The following DENND1A variants were observed in gnomAD, a reference collection of about 807,000 sequenced individuals.
The protein encoded by DENND1A is DENN domain containing 1A.
Under a neutral mutation model 113.7 loss-of-function variants are expected in DENND1A, and 51 were observed. The ratio of observed to expected loss-of-function variants is 0.45; its 90% confidence interval spans 0.36 to 0.57. DENND1A has a LOEUF of 0.57. Among genes scored for constraint, DENND1A ranks in the 20% least tolerant of loss-of-function variants. The pLI, the probability that DENND1A is intolerant of heterozygous loss-of-function variation, is 0.00. For synonymous variants in DENND1A, 565 were observed against 570.8 expected (o/e 0.99, Z 0.14); for missense variants, 1,258 against 1,395.9 (o/e 0.90, Z 1.57).
rs77543463 is a variant in DENND1A at position 123,782,037 on chromosome 9, A to T, written c.132+10550T>A. Among the ~76,000 whole-genome samples, 50 of 152,204 alleles carry T rather than the reference A, an allele frequency of 3.3e-4. No individual in the cohort carries two copies. In the East Asian group the frequency reaches 6.2e-3, roughly 19 times the overall value. Reference sequence around the variant, plus strand: ...GTGAGCCAAGATCACACCACTGTACATTAGCCTGGGTGACTGGGTAAGACT... The same window carrying T: ...GTGAGCCAAGATCACACCACTGTACTTTAGCCTGGGTGACTGGGTAAGACT... On this transcript the variant is annotated intron_variant, in intron 3 of 23. Transcript: ENST00000394215.
chr9:123,506,083 T>C (rs1273166335), intron 13 of DENND1A, among the ~76,000 whole-genome samples: 1 of 152,022 alleles, frequency 6.6e-6, no homozygotes, highest in African/African-American at 2.4e-5. Flanking sequence ...GCAAGGACTT[T>C]GGAGCTAGAC....
chr9:123,488,891 C>A (rs993814847), intron 13 of DENND1A, among the ~76,000 whole-genome samples: 21 of 152,272 alleles, frequency 1.4e-4, no homozygotes, highest in African/African-American at 4.8e-4. Flanking sequence ...GCCTGCCGAG[C>A]CACCCGGGAA....
chr9:123,833,842 C>T (rs1158016340), intron 2 of DENND1A, among the ~76,000 whole-genome samples: 2 of 152,146 alleles, frequency 1.3e-5, no homozygotes. Flanking sequence ...GGGCAGATCA[C>T]AAGGTCAAGA....
intron 5 of DENND1A, among the ~76,000 whole-genome samples, chr9:123,680,667 A>G (rs1423681164): frequency 1.3e-5 from 2 of 152,210 alleles, no homozygotes; most frequent in African/African-American, 4.8e-5. Context: ...TAATCACTCC[A>G]ACTGGTGAGT....
chr9:123,820,120 G>T (rs1330012214), intron 2 of DENND1A, among the ~76,000 whole-genome samples: 1 of 152,128 alleles, frequency 6.6e-6, no homozygotes, highest in African/African-American at 2.4e-5. Context: ...GGCAGAAAGA[G>T]GCACATAGAG....
At chr9:123,453,468 A>G (rs759583724) in intron 16 of DENND1A, among the ~76,000 whole-genome samples, 1 of 152,090 alleles carries the variant, frequency 6.6e-6, no homozygotes, top group South Asian at 2.1e-4. Flanking sequence ...GCCATGACAC[A>G]CTCCCATGAG....
intron 3 of DENND1A, among the ~76,000 whole-genome samples, chr9:123,778,714 G>C (rs1011571465): frequency 6.6e-6 from 1 of 151,944 alleles, no homozygotes; most frequent in Non-Finnish European, 1.5e-5. Context: ...ATCCAGCCCC[G>C]GGCAGGATGT....
At chr9:123,435,636 G>C (rs553686043) in intron 19 of DENND1A, among the ~76,000 whole-genome samples, 1 of 152,334 alleles carries the variant, frequency 6.6e-6, no homozygotes, top group East Asian at 1.9e-4. Context: ...ACAAAGAAGG[G>C]GGCCCTGGAA....
intron 5 of DENND1A, among the ~76,000 whole-genome samples, chr9:123,715,018 C>T (rs2066880611): frequency 6.6e-6 from 1 of 151,884 alleles, no homozygotes; most frequent in Admixed American, 6.6e-5. Flanking sequence ...CCCATCTCTA[C>T]TAAAAAATAA....
intron 5 of DENND1A, among the ~76,000 whole-genome samples, chr9:123,749,362 C>T (rs2069806875): frequency 6.6e-6 from 1 of 152,146 alleles, no homozygotes. Flanking sequence ...GGACAAATAA[C>T]CTTTTGAAAG....
chr9:123,914,999 G>A (rs1329956099), intron 1 of DENND1A, among the ~76,000 whole-genome samples: 1 of 152,044 alleles, frequency 6.6e-6, no homozygotes, highest in Non-Finnish European at 1.5e-5. Flanking sequence ...AGGTTCTGCT[G>A]GCCAAAAGCT....
At chr9:123,635,289 A>G (rs1343774900) in intron 9 of DENND1A, among the ~76,000 whole-genome samples, 1 of 152,244 alleles carries the variant, frequency 6.6e-6, no homozygotes, top group Non-Finnish European at 1.5e-5. Flanking sequence ...TAAAGGAAAG[A>G]GTGCGTGTGT....
chr9:123,623,816 T>C (rs943821815), intron 10 of DENND1A, among the ~76,000 whole-genome samples: 2 of 152,120 alleles, frequency 1.3e-5, no homozygotes, highest in South Asian at 2.1e-4. Context: ...GCTTCTGGGG[T>C]TTCTGGACTC....
At chr9:123,768,116 C>G (rs1012557742) in intron 4 of DENND1A, among the ~76,000 whole-genome samples, 2 of 152,194 alleles carry the variant, frequency 1.3e-5, no homozygotes, top group African/African-American at 4.8e-5. Context: ...ATTACAAAGA[C>G]TGACCCTCTT....
chr9:123,435,949 T>C (rs549658139), intron 19 of DENND1A, among the ~76,000 whole-genome samples: 26 of 152,336 alleles, frequency 1.7e-4, no homozygotes, highest in African/African-American at 6.0e-4. Flanking sequence ...TGAAAGCATC[T>C]ATGGCTCACC....
In DENND1A at chr9:123,689,699, G is replaced by A. The variant is rs765676941; in HGVS notation, c.303-12910C>T. On this transcript the variant is annotated intron_variant, in intron 5 of 23. Transcript: ENST00000394215. ...TGGTTGAAAAGAATGGCCAGGTGTG[G>A]TGGCTCACGCCTATAAACCCAGCAC... 3.6e-4 allele frequency among the ~76,000 whole-genome samples: 55 copies of A among 152,160 alleles called. 1 individual carries two copies. The highest frequency in any genetic ancestry group is 3.2e-4 in the Non-Finnish European group (22 of 68,036).
At chr9:123,497,248 C>T (rs1463051146) in intron 13 of DENND1A, among the ~76,000 whole-genome samples, 1 of 152,238 alleles carries the variant, frequency 6.6e-6, no homozygotes, top group Non-Finnish European at 1.5e-5. Context: ...CAGGGCCAGG[C>T]ACAGTGCAGT....
chr9:123,713,607 A>G (rs946980512), intron 5 of DENND1A, among the ~76,000 whole-genome samples: 1 of 152,064 alleles, frequency 6.6e-6, no homozygotes, highest in Non-Finnish European at 1.5e-5. Flanking sequence ...ACCTTTCCAC[A>G]TACTCCTTAT....
chr9:123,552,454 C>T (rs142502203), intron 13 of DENND1A, among the ~76,000 whole-genome samples: 8 of 152,324 alleles, frequency 5.3e-5, no homozygotes, highest in South Asian at 2.1e-4. Flanking sequence ...GACAGGAGCC[C>T]GCTTAGGTCC....
Sources: allele counts gnomAD v4.1 joint callset (sites outside exome capture counted in the v4.1 genomes callset), GRCh38; gene constraint gnomAD v4.1.1; transcripts MANE v1.5; gene names NCBI Gene and HGNC (gene_info 2026-07-23, HGNC 2026-07-21).